The following GABRG3 variants were observed in gnomAD, a reference collection of about 807,000 sequenced individuals.
The protein encoded by GABRG3 is gamma-aminobutyric acid type A receptor subunit gamma3, also known as gamma-aminobutyric acid receptor subunit gamma-3.
In GABRG3, 25 loss-of-function variants were observed where a neutral mutation model predicts 48.8. That is an observed-to-expected ratio of 0.51 (90% confidence interval 0.37 to 0.72). The LOEUF (loss-of-function observed/expected upper bound fraction) is 0.72. Among genes scored for constraint, GABRG3 ranks in the 30% least tolerant of loss-of-function variants. GABRG3 has a pLI of 0.00. For missense variants in GABRG3, 394 were observed against 577.9 expected (o/e 0.68, Z 3.26); for synonymous variants, 227 against 217.6 (o/e 1.04, Z -0.38).
At chr15:27,326,730 C>T (rs1242372698) in intron 3 of GABRG3, 79 bp from the exon 4 acceptor site, 1 of 1,176,448 alleles carries the variant, frequency 8.5e-7, no homozygotes, top group Admixed American at 1.8e-5. Flanking sequence ...GGAGAGAACA[C>T]AACGTTTGAC....
intron 3 of GABRG3, among the ~76,000 whole-genome samples, chr15:27,061,162 A>G (rs1269945612): frequency 2.0e-5 from 3 of 152,344 alleles, no homozygotes; most frequent in East Asian, 3.9e-4. Context: ...GGTGTTGTCT[A>G]TGCTGGTAAG....
intron 3 of GABRG3, among the ~76,000 whole-genome samples, chr15:27,044,867 C>A (rs11263699): frequency 0.12 from 18,553 of 152,172 alleles, 1,405 homozygotes; most frequent in African/African-American, 0.2. Flanking sequence ...GGCTGAGACT[C>A]AATTATTTGT....
In GABRG3 at chr15:27,078,899, TCA is replaced by T. The variant is rs1471048641; in HGVS notation, c.270+52083_270+52084del. On this transcript the variant is annotated intron_variant, in intron 3 of 9. Transcript: ENST00000615808. ...GCAGATGTACTTACTTAAGATGAGG[TCA>T]CACAGGACTAGTAGGGTGGGGCCTT... Among the ~76,000 whole-genome samples, 3 of 152,152 alleles carry T rather than the reference TCA, an allele frequency of 2.0e-5. No homozygotes were observed. In the East Asian group the frequency reaches 5.8e-4, roughly 29 times the overall value.
chr15:27,388,637 T>G (rs1361023536), intron 5 of GABRG3, among the ~76,000 whole-genome samples: 2 of 152,110 alleles, frequency 1.3e-5, no homozygotes, highest in Non-Finnish European at 2.9e-5. Flanking sequence ...GGTAGATGAT[T>G]GGCTGTGTTA....
chr15:27,226,143 G>A (rs1444090980), intron 3 of GABRG3, among the ~76,000 whole-genome samples: 1 of 152,128 alleles, frequency 6.6e-6, no homozygotes, highest in African/African-American at 2.4e-5. Flanking sequence ...AGGGCCCTGA[G>A]CTGGCAGAGG....
At chr15:27,341,540 ATC>A (rs1894178816) in intron 5 of GABRG3, among the ~76,000 whole-genome samples, 1 of 152,036 alleles carries the variant, frequency 6.6e-6, no homozygotes, top group African/African-American at 2.4e-5. Flanking sequence ...ATCCCGTTTC[ATC>A]CTTACCTTGA....
chr15:27,076,739 G>GAAGAGAAGATA (rs1896917257), intron 3 of GABRG3, among the ~76,000 whole-genome samples: 1 of 152,162 alleles, frequency 6.6e-6, no homozygotes, highest in Non-Finnish European at 1.5e-5. Context: ...GCAGGGCATG[G>GAAGAGAAGATA]AGTGACACTG....
chr15:27,209,392 C>A (rs943960144), intron 3 of GABRG3, among the ~76,000 whole-genome samples: 1 of 150,858 alleles, frequency 6.6e-6, no homozygotes, highest in Non-Finnish European at 1.5e-5. Context: ...TTCTTTCTTT[C>A]TTTTCTTTTT....
At position 27,533,713 on chromosome 15, in the gene GABRG3, C is replaced by T. The variant is rs952584949; in HGVS notation, c.*832C>T. On this transcript the variant is annotated 3_prime_UTR_variant, in exon 10 of 10. Coordinates refer to ENST00000615808, the MANE Select transcript of GABRG3 (RefSeq NM_033223.5). ...GCTCAACCCTCGAGTATGTGTCCAG[C>T]TTATGTTATATTATTATGGGTTCGG... is the stretch of plus-strand genomic sequence containing the variant. 2.0e-5 allele frequency: 3 copies of T among 152,060 alleles called. No individual in the cohort carries two copies. Among genetic ancestry groups the T allele is most frequent in the Non-Finnish European group, 4.4e-5 (3 of 68,024 alleles). 9.4% of individuals were successfully genotyped at this position (152,060 alleles called of 1,614,324 possible).
chr15:27,386,701 C>G (rs1201787026), intron 5 of GABRG3, among the ~76,000 whole-genome samples: 3 of 152,198 alleles, frequency 2.0e-5, no homozygotes, highest in Non-Finnish European at 4.4e-5. Context: ...TGAGCAACCC[C>G]TGGCTAAGAT....
chr15:27,348,502 G>C (rs1381080082), intron 5 of GABRG3, among the ~76,000 whole-genome samples: 1 of 152,088 alleles, frequency 6.6e-6, no homozygotes, highest in South Asian at 2.1e-4. Flanking sequence ...TTTTCAGATA[G>C]GGATACTGAG....
chr15:27,462,566 T>C (rs1340692483), intron 5 of GABRG3, among the ~76,000 whole-genome samples: 5 of 152,234 alleles, frequency 3.3e-5, no homozygotes, highest in Non-Finnish European at 4.4e-5. Flanking sequence ...TCTACCAAAC[T>C]TTTAAGAAAC....
At chr15:27,178,015 T>C (rs916712792) in intron 3 of GABRG3, among the ~76,000 whole-genome samples, 11 of 151,920 alleles carry the variant, frequency 7.2e-5, no homozygotes, top group Non-Finnish European at 1.6e-4. Flanking sequence ...AGACATCTCC[T>C]GGGGGATGGT....
At chr15:27,478,571 C>T (rs1202449624) in intron 5 of GABRG3, among the ~76,000 whole-genome samples, 1 of 152,190 alleles carries the variant, frequency 6.6e-6, no homozygotes. Context: ...ATGTTCCAGC[C>T]ACTTTGGAAG....
intron 5 of GABRG3, among the ~76,000 whole-genome samples, chr15:27,428,642 C>T (rs149936942): frequency 3.9e-5 from 6 of 152,300 alleles, no homozygotes; most frequent in African/African-American, 1.4e-4. Context: ...GGGGTTGTCC[C>T]TCCCAGTTTA....
At chr15:27,325,577 A>G (rs966311918) in intron 3 of GABRG3, among the ~76,000 whole-genome samples, 1 of 152,154 alleles carries the variant, frequency 6.6e-6, no homozygotes, top group Non-Finnish European at 1.5e-5. Flanking sequence ...ATAATACACC[A>G]GCCTTATTTT....
At chr15:27,500,592 C>T (rs1890599496) in intron 6 of GABRG3, among the ~76,000 whole-genome samples, 1 of 152,222 alleles carries the variant, frequency 6.6e-6, no homozygotes, top group African/African-American at 2.4e-5. Context: ...CCCTTATATT[C>T]CCAGCCCCTA....
At chr15:27,200,844 T>C (rs964802376) in intron 3 of GABRG3, among the ~76,000 whole-genome samples, 6 of 152,146 alleles carry the variant, frequency 3.9e-5, no homozygotes, top group African/African-American at 1.4e-4. Context: ...ACAGAAGTCC[T>C]TATTTAAGGC....
chr15:27,292,260 C>T (rs557604379), intron 3 of GABRG3, among the ~76,000 whole-genome samples: 35 of 146,682 alleles, frequency 2.4e-4, no homozygotes, highest in Middle Eastern at 6.9e-3. Context: ...AGGGGAACAT[C>T]GCACACCAGG....
Sources: gnomAD v4.1 joint callset for allele counts (sites outside exome capture counted in the v4.1 genomes callset) on GRCh38, gnomAD v4.1.1 for gene constraint, MANE v1.5 for transcripts, NCBI Gene and HGNC (gene_info 2026-07-23, HGNC 2026-07-21) for gene names.